Variants in FAM98A observed in about 807,000 individuals in gnomAD.
FAM98A encodes tRNA splicing ligase complex subunit 3A, also known as protein FAM98A.
A neutral mutation model predicts 62.9 loss-of-function variants in FAM98A; 25 were observed. That is an observed-to-expected ratio of 0.40 (90% CI 0.29 to 0.56). The LOEUF is 0.56. Among genes scored for constraint, FAM98A ranks in the 20% least tolerant of loss-of-function variants. The pLI, the probability that FAM98A is intolerant of heterozygous loss-of-function variation, is 0.51. For missense variants in FAM98A, 653 were observed against 640.7 expected (o/e 1.02, Z -0.21); for synonymous variants, 252 against 228.6 (o/e 1.10, Z -0.92).
Position 33,584,752 on chromosome 2 carries a change from A to G in FAM98A, c.*24T>C. Reference sequence around the variant, plus strand: ...ACTAAGTTTCTATTACTTGAGCTCTAGCAAAATGTAAGGTTCGGTAGCCTC... The same window carrying G: ...ACTAAGTTTCTATTACTTGAGCTCTGGCAAAATGTAAGGTTCGGTAGCCTC... On this transcript the variant is annotated 3_prime_UTR_variant, in exon 8 of 8. Transcript: ENST00000238823. 2 of 1,550,308 alleles carry G rather than the reference A, an allele frequency of 1.3e-6. No individual in the cohort carries two copies. The highest frequency in any genetic ancestry group is 1.8e-6 in the Non-Finnish European group (2 of 1,142,634).
chr2:33,586,651 T>C lies in FAM98A; in HGVS notation c.631A>G (p.Ile211Val). The change falls in exon 6 of 8, where the codon ATA becomes GTA. Residue 211 changes from isoleucine (I) to valine (V), a missense_variant. Ile to Val is a conservative substitution (Grantham distance 29). Transcript: ENST00000238823. ...WEKIEAINQA[I>V]ANEYEVRRKL... ...CTCCGGACTTCATATTCATTGGCTA[T>C]GGCTTGGTTAATTGCTTCTATCTTT... 1.2e-6 allele frequency: 2 copies of C among 1,613,324 alleles called. No homozygotes were observed. The highest frequency in any genetic ancestry group is 1.7e-5 in the Admixed American group (1 of 60,026).
intron 4 of FAM98A, 146 bp from the exon 5 acceptor site, chr2:33,587,466 C>T: frequency 1.5e-6 from 1 of 658,076 alleles, no homozygotes; most frequent in South Asian, 1.8e-5. Context: ...TGTAAAAGAC[C>T]CACAAGATAA....
At position 33,585,196 on chromosome 2, in the gene FAM98A, A is replaced by G; in HGVS notation, c.1137T>C (p.His379=). 1 of 1,613,848 alleles carries G rather than the reference A, an allele frequency of 6.2e-7. No individual in the cohort carries two copies. Among genetic ancestry groups the G allele is most frequent in the Non-Finnish European group, 8.5e-7 (1 of 1,179,970 alleles). ...GGRGGGRGNK[H]QGGWTDGGSG... ...TCCCTCCATCTGTCCAGCCTCCTTG[A>G]TGCTTATTTCCTCTTCCTCCCCCTC... Residue 379 remains histidine (H), a synonymous_variant, in exon 8 of 8, where the codon CAT becomes CAC. Coordinates refer to ENST00000238823, the MANE Select transcript of FAM98A (RefSeq NM_015475.5).
intron 2 of FAM98A, among the ~76,000 whole-genome samples, chr2:33,592,527 G>C (rs1354388323): frequency 1.3e-5 from 2 of 152,030 alleles, no homozygotes; most frequent in African/African-American, 4.8e-5. Context: ...TACCATGCCT[G>C]GCTAATATTT....
chr2:33,588,254 GAAATT>G, intron 4 of FAM98A, 76 bp downstream of exon 4: 2 of 1,121,848 alleles, frequency 1.8e-6, no homozygotes, highest in South Asian at 1.5e-5. Flanking sequence ...CCCATTAAGA[GAAATT>G]AAATTAATTG....
intron 1 of FAM98A, among the ~76,000 whole-genome samples, 157 bp downstream of exon 1, chr2:33,599,012 G>A (rs1278323425): frequency 1.3e-5 from 2 of 152,232 alleles, no homozygotes; most frequent in African/African-American, 4.8e-5. Context: ...TGCAGACAGT[G>A]GACGTGGCAT....
Position 33,591,827 on chromosome 2 carries a change from A to C in FAM98A, c.337+253T>G, listed in dbSNP as rs112310332. 861 of 310,778 alleles carry C rather than the reference A, an allele frequency of 2.8e-3. 7 individuals are homozygous for C. Among genetic ancestry groups the C allele is most frequent in the African/African-American group, 0.017 (812 of 47,446 alleles). 19.3% of individuals were successfully genotyped at this position (310,778 alleles called of 1,614,324 possible). On this transcript the variant is annotated intron_variant, in intron 3 of 7. Transcript: ENST00000238823. Reference sequence around the variant, plus strand: ...CTCCAAAACTACCAGTGATCACATTAGGAGAAGCACAACGGCCTGAGTACC... The same window carrying C: ...CTCCAAAACTACCAGTGATCACATTCGGAGAAGCACAACGGCCTGAGTACC...
chr2:33,592,399 T>C (rs1267323082), intron 2 of FAM98A, among the ~76,000 whole-genome samples, 185 bp from the exon 3 acceptor site: 1 of 152,116 alleles, frequency 6.6e-6, no homozygotes, highest in Non-Finnish European at 1.5e-5. Context: ...AGATAAGGTC[T>C]CTGAGGCCTA....
At chr2:33,594,654 C>A in intron 2 of FAM98A, among the ~76,000 whole-genome samples, 1 of 97,378 alleles carries the variant, frequency 1.0e-5, no homozygotes. Context: ...TATATATACA[C>A]ACATATATAT....
intron 3 of FAM98A, 71 bp from the exon 4 acceptor site, chr2:33,588,590 C>G: frequency 4.3e-6 from 5 of 1,176,260 alleles, no homozygotes; most frequent in Non-Finnish European, 4.7e-6. Context: ...GGAGTCACAA[C>G]TATATAGACC....
chr2:33,591,581 C>A (rs550542917), intron 3 of FAM98A, among the ~76,000 whole-genome samples: 1 of 152,172 alleles, frequency 6.6e-6, no homozygotes, highest in African/African-American at 2.4e-5. Flanking sequence ...ACAAACAAAA[C>A]CAAAATCCCC....
At chr2:33,592,307 T>C in intron 2 of FAM98A, 93 bp from the exon 3 acceptor site, 1 of 1,034,288 alleles carries the variant, frequency 9.7e-7, no homozygotes. Context: ...GTTAATAGGA[T>C]TTTCATAACT....
intron 1 of FAM98A, among the ~76,000 whole-genome samples, chr2:33,597,270 G>A (rs1401993235): frequency 6.6e-6 from 1 of 152,168 alleles, no homozygotes; most frequent in Non-Finnish European, 1.5e-5. Flanking sequence ...GAAGTGGGAG[G>A]ATCGCTTGAG....
In FAM98A at chr2:33,599,262, T is replaced by C. The variant is rs770762789; in HGVS notation, c.-41A>G. 28 of 1,560,188 alleles carry C rather than the reference T, an allele frequency of 1.8e-5. No homozygotes were observed. The highest frequency in any genetic ancestry group is 6.7e-5 in the Admixed American group (4 of 59,900). ...AAATTTCCGAGTCGTCAGGCTCCCC[T>C]CTTCGCCGGCAACGCGTACACTCGC... On this transcript the variant is annotated 5_prime_UTR_variant, in exon 1 of 8. Coordinates refer to ENST00000238823, the MANE Select transcript of FAM98A (RefSeq NM_015475.5).
In FAM98A at chr2:33,599,286, G is replaced by T; in HGVS notation, c.-65C>A. On this transcript the variant is annotated 5_prime_UTR_variant, in exon 1 of 8. Transcript: ENST00000238823. ...CTCTTCGCCGGCAACGCGTACACTC[G>T]CGCATGCGCGACTTCCCCGGAACTT... The T allele has an allele frequency of 1.5e-6, 2 of 1,357,168 alleles. No homozygotes were observed. Among genetic ancestry groups the T allele is most frequent in the Non-Finnish European group, 1.1e-6 (1 of 945,244 alleles). The allele number at this position is 1,357,168 out of a possible 1,614,324, so 84.1% of individuals were successfully genotyped here.
chr2:33,586,645 T>A lies in FAM98A; in HGVS notation c.637A>T (p.Asn213Tyr), dbSNP rs548009306. 6.2e-6 allele frequency: 10 copies of A among 1,613,580 alleles called. No individual in the cohort carries two copies. The South Asian group carries it at 1.1e-4, about 18-fold the overall frequency. Residue 213 changes from asparagine (N) to tyrosine (Y), a missense_variant, in exon 6 of 8, where the codon AAT (asparagine) becomes TAT (tyrosine). Asn to Tyr is a moderately radical substitution (Grantham distance 143, BLOSUM62 -2). Transcript: ENST00000238823. ...KIEAINQAIA[N>Y]EYEVRRKLLI... ...AGCTTTCTCCGGACTTCATATTCAT[T>A]GGCTATGGCTTGGTTAATTGCTTCT... is the stretch of plus-strand genomic sequence containing the variant.
chr2:33,591,367 TAAATTCTGAGTTAAGA>T (rs2151145349), intron 3 of FAM98A, among the ~76,000 whole-genome samples: 1 of 152,334 alleles, frequency 6.6e-6, no homozygotes, highest in East Asian at 1.9e-4. Context: ...GAATGCTACA[TAAATTCTGAGTTAAGA>T]CTATAGGTTG....
At chr2:33,586,409 T>C (rs529438923) in intron 6 of FAM98A, among the ~76,000 whole-genome samples, 153 bp downstream of exon 6, 11 of 152,340 alleles carry the variant, frequency 7.2e-5, no homozygotes, top group South Asian at 2.1e-4. Flanking sequence ...TGCTGAATAG[T>C]TGAAAGAGCC....
At chr2:33,586,441 G>GA in intron 6 of FAM98A, 121 bp downstream of exon 6, 1 of 607,902 alleles carries the variant, frequency 1.6e-6, no homozygotes, top group Non-Finnish European at 2.9e-6. Context: ...ACTCACTAAG[G>GA]AAAAATCCCT....
Sources: gnomAD v4.1 joint callset for allele counts (sites outside exome capture counted in the v4.1 genomes callset) on GRCh38, gnomAD v4.1.1 for gene constraint, MANE v1.5 for transcripts, NCBI Gene and HGNC (gene_info 2026-07-23, HGNC 2026-07-21) for gene names.